The following CFAP263 variants were observed in gnomAD, a reference collection of about 807,000 sequenced individuals.
CFAP263 encodes cilia- and flagella-associated protein 263.
chr16:58,259,654 C>A, the CFAP263 span, among the ~76,000 whole-genome samples: 2 of 152,112 alleles, frequency 1.3e-5, no homozygotes, highest in African/African-American at 4.8e-5. Context: ...TTGCATGGTG[C>A]AAAACCAGTG....
At chr16:58,268,743 G>A in the CFAP263 span, among the ~76,000 whole-genome samples, 1 of 152,110 alleles carries the variant, frequency 6.6e-6, no homozygotes, top group Non-Finnish European at 1.5e-5. Flanking sequence ...CTCTCTTAAT[G>A]CAGAATTGCC....
the CFAP263 span, among the ~76,000 whole-genome samples, chr16:58,279,129 C>T: frequency 6.6e-6 from 1 of 152,168 alleles, no homozygotes; most frequent in Non-Finnish European, 1.5e-5. Flanking sequence ...ACCCTTGCTC[C>T]TGTGAGCTGC....
the CFAP263 span, among the ~76,000 whole-genome samples, chr16:58,271,964 C>G: frequency 8.5e-5 from 13 of 152,080 alleles, no homozygotes; most frequent in East Asian, 2.5e-3. Context: ...TATCTATTCT[C>G]CTCCATTTAT....
At chr16:58,262,255 C>T in the CFAP263 span, 3 of 807,268 alleles carry the variant, frequency 3.7e-6, no homozygotes, top group Non-Finnish European at 6.0e-6. Context: ...AACAGATGCC[C>T]AATATGTGTT....
At chr16:58,266,397 ATATATATATTTT>A in the CFAP263 span, among the ~76,000 whole-genome samples, 2 of 43,412 alleles carry the variant, frequency 4.6e-5, no homozygotes. Flanking sequence ...ATATATATAT[ATATATATATTTT>A]TTTTTTTTTT....
At chr16:58,258,146 G>GT in the CFAP263 span, among the ~76,000 whole-genome samples, 1 of 150,792 alleles carries the variant, frequency 6.6e-6, no homozygotes, top group African/African-American at 2.4e-5. Context: ...CCTGACACCT[G>GT]TTTTTGTTTG....
chr16:58,283,662 C>T, the CFAP263 span: 2 of 152,096 alleles, frequency 1.3e-5, no homozygotes, highest in Non-Finnish European at 2.9e-5. Flanking sequence ...GCTATATCTT[C>T]ACTGTATTTT....
chr16:58,259,985 G>GGAACC, the CFAP263 span: 1 of 1,292,748 alleles, frequency 7.7e-7, no homozygotes. Flanking sequence ...GGTTACTGTG[G>GGAACC]TAGGCTGAAT....
the CFAP263 span, chr16:58,280,834 G>T: frequency 7.4e-7 from 1 of 1,352,592 alleles, no homozygotes. Context: ...GCAATATACT[G>T]TTTGTTCTAG....
At chr16:58,277,524 C>T in the CFAP263 span, among the ~76,000 whole-genome samples, 3 of 152,104 alleles carry the variant, frequency 2.0e-5, no homozygotes, top group Non-Finnish European at 2.9e-5. Context: ...GGATTACTCA[C>T]GAAATTGAAT....
chr16:58,282,004 A>C, the CFAP263 span: 1 of 118,738 alleles, frequency 8.4e-6, no homozygotes, highest in African/African-American at 3.3e-5. Flanking sequence ...CACCATGCCC[A>C]GCTAATTTTT....
the CFAP263 span, chr16:58,278,754 C>T: frequency 3.2e-6 from 3 of 934,892 alleles, no homozygotes; most frequent in Admixed American, 7.7e-5. Flanking sequence ...CTGGGAGAAA[C>T]CTCAGCAGTT....
chr16:58,272,189 T>C, the CFAP263 span, among the ~76,000 whole-genome samples: 1 of 152,066 alleles, frequency 6.6e-6, no homozygotes, highest in Non-Finnish European at 1.5e-5. Flanking sequence ...CTAATTTTTT[T>C]GTATTTTTAG....
chr16:58,273,559 T>A, the CFAP263 span, among the ~76,000 whole-genome samples: 4 of 152,222 alleles, frequency 2.6e-5, no homozygotes, highest in Admixed American at 2.6e-4. Context: ...CTTTGTTGAT[T>A]TTCTTTACTT....
the CFAP263 span, chr16:58,254,170 C>T: frequency 2.5e-6 from 4 of 1,614,062 alleles, no homozygotes; most frequent in Non-Finnish European, 1.7e-6. Flanking sequence ...GTACACCTTC[C>T]TGCCAGCGCA....
At chr16:58,266,944 CT>C in the CFAP263 span, among the ~76,000 whole-genome samples, 1 of 152,200 alleles carries the variant, frequency 6.6e-6, no homozygotes, top group Non-Finnish European at 1.5e-5. Context: ...CCGGCTCCCC[CT>C]GGTCTCTGTG....
At chr16:58,278,130 G>C in the CFAP263 span, among the ~76,000 whole-genome samples, 5 of 151,958 alleles carry the variant, frequency 3.3e-5, no homozygotes, top group Non-Finnish European at 7.4e-5. Context: ...AGTGAATTGA[G>C]TCTGATCAAA....
the CFAP263 span, among the ~76,000 whole-genome samples, chr16:58,265,126 T>C: frequency 6.6e-6 from 1 of 152,216 alleles, no homozygotes; most frequent in Non-Finnish European, 1.5e-5. Context: ...ATCTGGGGCC[T>C]TGTAGGTAGA....
At chr16:58,264,652 A>T in the CFAP263 span, among the ~76,000 whole-genome samples, 1 of 152,140 alleles carries the variant, frequency 6.6e-6, no homozygotes, top group Non-Finnish European at 1.5e-5. Context: ...AGCATCAAGG[A>T]CAGTGCCTGG....
Sources: allele counts gnomAD v4.1 joint callset (sites outside exome capture counted in the v4.1 genomes callset), GRCh38; gene constraint gnomAD v4.1.1; transcripts MANE v1.5; gene names NCBI Gene and HGNC (gene_info 2026-07-23, HGNC 2026-07-21).